Variants in SLC12A4 observed in about 807,000 individuals in gnomAD.
SLC12A4 encodes solute carrier family 12 member 4, also known as electroneutral potassium-chloride cotransporter 1.
SLC12A4 carries 84 observed loss-of-function variants against 119.2 expected under a neutral mutation model. That is an observed-to-expected ratio of 0.70 (90% CI 0.59 to 0.85). The LOEUF is 0.85. SLC12A4 is among the 40% of genes least tolerant of loss of function. The pLI is 0.00. For synonymous variants in SLC12A4, 599 were observed against 604.6 expected (o/e 0.99, Z 0.14); for missense variants, 1,298 against 1,476.3 (o/e 0.88, Z 1.98).
Position 67,949,970 on chromosome 16 carries a change from G to T in SLC12A4, c.1630-52C>A. The T allele has an allele frequency of 7.0e-7, 1 of 1,437,184 alleles. No homozygotes were observed. Among genetic ancestry groups the T allele is most frequent in the Non-Finnish European group, 9.8e-7 (1 of 1,023,364 alleles). 89.0% of individuals were successfully genotyped at this position (1,437,184 alleles called of 1,614,324 possible). ...TCCTGTCACCCCCATTCCACACCTT[G>T]GGCCCCAGACCCCAGCCTGGCCTCC... On this transcript the variant is annotated intron_variant, in intron 12 of 23. Transcript: ENST00000316341. The surrounding 1 kb of genome is among the most constrained non-coding windows in gnomAD (Gnocchi z 4.6).
chr16:67,947,987 C>T (rs2058371366), intron 14 of SLC12A4, 74 bp downstream of exon 14: 1 of 1,541,772 alleles, frequency 6.5e-7, no homozygotes, highest in Non-Finnish European at 9.0e-7. Context: ...GCTCCCTACC[C>T]AGGAAACCCA....
In SLC12A4 at chr16:67,951,991, T is replaced by C. The variant is rs751031354; in HGVS notation, c.964A>G (p.Ile322Val). 6.2e-7 allele frequency: 1 copy of C among 1,614,116 alleles called. No homozygotes were observed. Among genetic ancestry groups the C allele is most frequent in the South Asian group, 1.1e-5 (1 of 91,088 alleles). The change falls in exon 8 of 24, where the codon ATC becomes GTC. Residue 322 changes from isoleucine to valine, a missense_variant. Coordinates refer to ENST00000316341, the MANE Select transcript of SLC12A4 (RefSeq NM_005072.5). The surrounding 1 kb of genome is among the most constrained non-coding windows in gnomAD (Gnocchi z 5.2). ...NRTLSRDQFD[I>V]CAKTAVVDNE... ...TCCACTACAGCTGTCTTGGCACAGA[T>C]GTCAAACTGGTCCCGGGACAGGGTC...
In SLC12A4 at chr16:67,950,663, A is replaced by T; in HGVS notation, c.1445T>A (p.Leu482His). 6.2e-7 allele frequency: 1 copy of T among 1,612,506 alleles called. No homozygotes were observed. The highest frequency in any genetic ancestry group is 8.5e-7 in the Non-Finnish European group (1 of 1,179,322). ...LFGACIEGVV[L>H]RDKYGDGVSR... ...GGCCCAGCTCACTCACTTGTCCCGG[A>T]GAACCACACCCTCAATGCAGGCACC... Residue 482 changes from leucine to histidine, a missense_variant, in exon 11 of 24, where the codon CTC (leucine) becomes CAC (histidine). Leu to His is a moderately conservative substitution (Grantham distance 99). Coordinates refer to ENST00000316341, the MANE Select transcript of SLC12A4 (RefSeq NM_005072.5). This position sits in a 1 kb window ranked among gnomAD's most constrained non-coding sequence, Gnocchi z 4.3.
intron 3 of SLC12A4, among the ~76,000 whole-genome samples, chr16:67,960,001 T>G (rs2030478884): frequency 6.6e-6 from 1 of 152,232 alleles, no homozygotes; most frequent in South Asian, 2.1e-4. Context: ...CAGCTCCTCC[T>G]TCTTCCATGA....
rs371391885 is a variant in SLC12A4, at chr16:67,945,226, C to T, written c.3033-6G>A. 16 of 1,554,494 alleles carry T rather than the reference C, an allele frequency of 1.0e-5. No individual in the cohort carries two copies. Among genetic ancestry groups the T allele is most frequent in the African/African-American group, 1.4e-5 (1 of 73,568 alleles). On this transcript the variant is annotated splice_polypyrimidine_tract_variant and splice_region_variant and intron_variant, in intron 22 of 23. Transcript: ENST00000316341. ...GCCGCACATTGGATTGGTCCCTACA[C>T]GTAGTGTAGCCAGTCACAGGTCGCC... is the stretch of plus-strand genomic sequence containing the variant.
At chr16:67,963,917 T>C (rs1478271166) in intron 1 of SLC12A4, 1 of 1,551,244 alleles carries the variant, frequency 6.4e-7, no homozygotes, top group Non-Finnish European at 8.7e-7. Context: ...CCTTTCCCGG[T>C]CTTTCCGGAG....
rs527801710 is a variant in SLC12A4, at chr16:67,949,333, C to T, written c.1748+467G>A. On this transcript the variant is annotated intron_variant, in intron 13 of 23. Coordinates refer to ENST00000316341, the MANE Select transcript of SLC12A4 (RefSeq NM_005072.5). This position sits in a 1 kb window ranked among gnomAD's most constrained non-coding sequence, Gnocchi z 4.6. ...GGGCGTGGTGGTGCATTTCTGTAATCCCAGCTACTCAGGAGGCTGAGGCAG... is the reference window on the plus strand; with the variant it reads ...GGGCGTGGTGGTGCATTTCTGTAATTCCAGCTACTCAGGAGGCTGAGGCAG... Among the ~76,000 whole-genome samples the T allele has an allele frequency of 2.0e-5, 3 of 152,218 alleles. No individual in the cohort carries two copies. The East Asian group carries it at 5.8e-4, about 29-fold the overall frequency.
chr16:67,964,832 C>T (rs2151340780), intron 1 of SLC12A4, among the ~76,000 whole-genome samples: 1 of 152,354 alleles, frequency 6.6e-6, no homozygotes, highest in African/African-American at 2.4e-5. Flanking sequence ...TCTGATACAT[C>T]TCTTGCTATC....
intron 3 of SLC12A4, among the ~76,000 whole-genome samples, chr16:67,960,420 C>G (rs571436015): frequency 3.9e-5 from 6 of 152,224 alleles, no homozygotes; most frequent in South Asian, 4.2e-4. Context: ...AAGGTATCAG[C>G]TGCCCTCTCT....
At chr16:67,945,909 G>T in intron 20 of SLC12A4, 38 bp from the exon 21 acceptor site, 1 of 1,613,080 alleles carries the variant, frequency 6.2e-7, no homozygotes, top group Admixed American at 1.7e-5. Flanking sequence ...CAGCTGCACG[G>T]GACATGGTAT....
rs993791395 is a variant in SLC12A4 at position 67,945,938 on chromosome 16, G to A, written c.2739+13C>T. 9 of 1,613,246 alleles carry A rather than the reference G, an allele frequency of 5.6e-6. No homozygotes were observed. Among genetic ancestry groups the A allele is most frequent in the Non-Finnish European group, 6.8e-6 (8 of 1,179,360 alleles). ...ATGGTATCCACGGGGCCAGGGCAGG[G>A]CAGAGGGCTCACCATCTCCACCACC... On this transcript the variant is annotated intron_variant, in intron 20 of 23. Coordinates refer to ENST00000316341, the MANE Select transcript of SLC12A4 (RefSeq NM_005072.5).
rs1478090109 is a variant in SLC12A4 at position 67,957,786 on chromosome 16, G to A, written c.500C>T (p.Thr167Met). Reference protein sequence around the residue: ...VLICCCCTLLTAISMSAIATN... With the variant: ...VLICCCCTLLMAISMSAIATN... ...GGCGATGGCACTCATGGAGATGGCC[G>A]TCAGCAGGGTCTGTGGGAAGGAGGG... is the stretch of plus-strand genomic sequence containing the variant. Residue 167 changes from threonine to methionine, a missense_variant, in exon 5 of 24, where the codon ACG (threonine) becomes ATG (methionine). By Grantham distance (81) the Thr-to-Met change is moderately conservative. Coordinates refer to ENST00000316341, the MANE Select transcript of SLC12A4 (RefSeq NM_005072.5). 6.2e-6 allele frequency: 10 copies of A among 1,613,974 alleles called. No individual in the cohort carries two copies. Among genetic ancestry groups the A allele is most frequent in the South Asian group, 2.2e-5 (2 of 91,078 alleles).
At chr16:67,953,636 G>A (rs530743843) in intron 6 of SLC12A4, among the ~76,000 whole-genome samples, 161 of 152,184 alleles carry the variant, frequency 1.1e-3, no homozygotes, top group South Asian at 1.9e-3. Context: ...ACATTGAATT[G>A]TACACTTTCA....
In SLC12A4 at chr16:67,950,661, G is replaced by A. The variant is rs867461314; in HGVS notation, c.1447C>T (p.Arg483Trp). ...FGACIEGVVLRDKYGDGVSRN... is the reference protein window; with the variant it reads ...FGACIEGVVLWDKYGDGVSRN... ...GGGGCCCAGCTCACTCACTTGTCCC[G>A]GAGAACCACACCCTCAATGCAGGCA... The change falls in exon 11 of 24, where the codon CGG becomes TGG. Residue 483 changes from arginine (R) to tryptophan (W), a missense_variant. Physicochemically the swap from Arg to Trp is moderately radical, Grantham distance 101. Transcript: ENST00000316341. This position sits in a 1 kb window ranked among gnomAD's most constrained non-coding sequence, Gnocchi z 4.3. The A allele has an allele frequency of 4.3e-6, 7 of 1,612,128 alleles. No homozygotes were observed. The highest frequency in any genetic ancestry group is 1.6e-4 in the Middle Eastern group (1 of 6,080).
chr16:67,964,823 C>A (rs1385665530), intron 1 of SLC12A4, among the ~76,000 whole-genome samples: 1 of 152,216 alleles, frequency 6.6e-6, no homozygotes, highest in Admixed American at 6.5e-5. Context: ...CCTCCTGTAT[C>A]TGATACATCT....
In SLC12A4 at chr16:67,946,477, G is replaced by T; in HGVS notation, c.2398C>A (p.Arg800=). The T allele has an allele frequency of 6.2e-7, 1 of 1,607,380 alleles. No individual in the cohort carries two copies. The highest frequency in any genetic ancestry group is 8.5e-7 in the Non-Finnish European group (1 of 1,179,944). ...CAGGCACGGGGGTCCTCGCTCTGTCGCCAGCCGTAGGGCCAGCCCAGCACC... is the reference window on the plus strand; with the variant it reads ...CAGGCACGGGGGTCCTCGCTCTGTCTCCAGCCGTAGGGCCAGCCCAGCACC... The part of the protein sequence containing the change: ...SVVLGWPYGW[R]QSEDPRAWKT... Residue 800 remains arginine (R), a synonymous_variant, in exon 18 of 24, where the codon CGA becomes AGA. Transcript: ENST00000316341.
At chr16:67,960,282 G>A (rs1191488980) in intron 3 of SLC12A4, among the ~76,000 whole-genome samples, 1 of 152,200 alleles carries the variant, frequency 6.6e-6, no homozygotes, top group African/African-American at 2.4e-5. Flanking sequence ...CACCCACTGT[G>A]GGCAGAGCAC....
Position 67,968,593 on chromosome 16 carries a change from C to G in SLC12A4, c.-40G>C. Reference sequence around the variant, plus strand: ...CCCGCCGCACCCGCCGTCCCAGCCGCCCGCCGCTGTCCCCGCCGCTGTCCC... The same window carrying G: ...CCCGCCGCACCCGCCGTCCCAGCCGGCCGCCGCTGTCCCCGCCGCTGTCCC... On this transcript the variant is annotated 5_prime_UTR_variant, in exon 1 of 24. Transcript: ENST00000316341. 7.1e-7 allele frequency: 1 copy of G among 1,404,524 alleles called. No individual in the cohort carries two copies. 87.0% of individuals were successfully genotyped at this position (1,404,524 alleles called of 1,614,324 possible).
intron 3 of SLC12A4, among the ~76,000 whole-genome samples, chr16:67,959,778 G>A (rs1227199527): frequency 1.3e-5 from 2 of 152,338 alleles, no homozygotes; most frequent in Admixed American, 6.5e-5. Context: ...AATAACCTCT[G>A]GCAGCCTCAG....
Sources: gnomAD v4.1 joint callset for allele counts (sites outside exome capture counted in the v4.1 genomes callset) on GRCh38, gnomAD v4.1.1 for gene constraint, Gnocchi (gnomAD v3.1) non-coding constraint, MANE v1.5 for transcripts, NCBI Gene and HGNC (gene_info 2026-07-23, HGNC 2026-07-21) for gene names.